SP110: variants seen among roughly 807,000 people sequenced by gnomAD.
SP110 encodes the protein interferon-induced protein 41, 30kD.
Under a neutral mutation model 92.7 loss-of-function variants are expected in SP110, and 62 were observed. That is an observed-to-expected ratio of 0.67 (90% CI 0.55 to 0.83). The LOEUF (loss-of-function observed/expected upper bound fraction) is 0.83. Ranked by LOEUF, SP110 falls within the 40% of genes least tolerant of loss-of-function variation. The pLI is 0.00. For missense variants in SP110, 793 were observed against 863.9 expected (o/e 0.92, Z 1.03); for synonymous variants, 273 against 305.3 (o/e 0.89, Z 1.10).
chr2:230,217,596 C>T (rs999903130), intron 1 of SP110, among the ~76,000 whole-genome samples: 5 of 152,160 alleles, frequency 3.3e-5, no homozygotes, highest in African/African-American at 9.7e-5. Flanking sequence ...AAAACCCTTG[C>T]GAGGTGGTTC....
chr2:230,192,143 T>C (rs2042661880), intron 10 of SP110, among the ~76,000 whole-genome samples: 1 of 152,044 alleles, frequency 6.6e-6, no homozygotes, highest in African/African-American at 2.4e-5. Context: ...CTCAAAATAA[T>C]AAGAGCTATT....
chr2:230,176,972 C>T (rs1244433412), intron 14 of SP110, among the ~76,000 whole-genome samples: 2 of 152,152 alleles, frequency 1.3e-5, no homozygotes, highest in African/African-American at 4.8e-5. Flanking sequence ...TTAACCTTTC[C>T]CATCCATTCC....
At chr2:230,186,173 G>A (rs936740386) in intron 10 of SP110, 30 bp from the exon 11 acceptor site, 24 of 1,612,342 alleles carry the variant, frequency 1.5e-5, no homozygotes, top group Non-Finnish European at 2.0e-5. Flanking sequence ...GAATAGTTTA[G>A]TGAGCTCCCT....
intron 10 of SP110, 99 bp downstream of exon 10, chr2:230,200,786 T>G: frequency 1.0e-6 from 1 of 954,174 alleles, no homozygotes; most frequent in South Asian, 1.3e-5. Context: ...ACAGTAATAA[T>G]GAAAAAAAAA....
Position 230,211,263 on chromosome 2 carries a change from C to A in SP110, c.751+207G>T, listed in dbSNP as rs772413542. On this transcript the variant is annotated intron_variant, in intron 6 of 18. Transcript: ENST00000258381. This position sits in a 1 kb window ranked among gnomAD's most constrained non-coding sequence, Gnocchi z 4.2. ...AAGTCTACCTTTTCCAGACTTGCCT[C>A]CTTTGCCCTCCCCCAGGGACTCTGT... is the stretch of plus-strand genomic sequence containing the variant. 6.6e-6 allele frequency among the ~76,000 whole-genome samples: 1 copy of A among 152,168 alleles called. No individual in the cohort carries two copies. The highest frequency in any genetic ancestry group is 1.5e-5 in the Non-Finnish European group (1 of 68,030).
At chr2:230,194,800 C>A (rs2042789510) in intron 10 of SP110, among the ~76,000 whole-genome samples, 1 of 152,172 alleles carries the variant, frequency 6.6e-6, no homozygotes. Flanking sequence ...TTGTCTGATG[C>A]CTCATGTCCA....
In SP110 at chr2:230,211,585, A is replaced by C; in HGVS notation, c.668-32T>G. 7.1e-6 allele frequency: 9 copies of C among 1,262,616 alleles called. No individual in the cohort carries two copies. Among genetic ancestry groups the C allele is most frequent in the Non-Finnish European group, 1.0e-5 (9 of 858,992 alleles). The allele number at this position is 1,262,616 out of a possible 1,614,324, so 78.2% of individuals were successfully genotyped here. A position where few individuals can be genotyped will look rare whatever the true frequency, so the allele number is the denominator to read the frequency against. ...GGAGGAAGAAAAAGTTTTAGATCTC[A>C]GGAACAGCAAGCAGGGACCAGAATG... On this transcript the variant is annotated intron_variant, in intron 5 of 18. Coordinates refer to ENST00000258381, the MANE Select transcript of SP110 (RefSeq NM_080424.4). This position sits in a 1 kb window ranked among gnomAD's most constrained non-coding sequence, Gnocchi z 4.2.
chr2:230,220,292 G>C (rs187817866), upstream of SP110, among the ~76,000 whole-genome samples: 32 of 152,252 alleles, frequency 2.1e-4, no homozygotes, highest in Admixed American at 2.1e-3. Context: ...CCCATGACTT[G>C]TCCTCATTCT....
intron 14 of SP110, 86 bp downstream of exon 14, chr2:230,177,452 G>A: frequency 2.2e-6 from 3 of 1,360,144 alleles, no homozygotes; most frequent in Non-Finnish European, 3.2e-6. Context: ...AATCCTAACG[G>A]GAGCTCTTCA....
intron 7 of SP110, among the ~76,000 whole-genome samples, chr2:230,209,065 G>T (rs1336931957): frequency 1.3e-5 from 2 of 152,156 alleles, no homozygotes; most frequent in African/African-American, 2.4e-5. Context: ...ATATATTTTT[G>T]ATTCTTTTTC....
At chr2:230,175,633 T>C (rs911419877) in intron 14 of SP110, among the ~76,000 whole-genome samples, 1 of 152,212 alleles carries the variant, frequency 6.6e-6, no homozygotes, top group East Asian at 1.9e-4. Flanking sequence ...CCATTGTCTC[T>C]GCTGGAAGTT....
chr2:230,209,857 A>C (rs2044276849), intron 7 of SP110, 74 bp downstream of exon 7: 2 of 877,618 alleles, frequency 2.3e-6, no homozygotes, highest in South Asian at 2.6e-5. Context: ...GCTCTTGACA[A>C]GATACAGTCA....
chr2:230,189,707 C>T (rs2042521506), intron 10 of SP110, among the ~76,000 whole-genome samples: 1 of 152,152 alleles, frequency 6.6e-6, no homozygotes, highest in East Asian at 1.9e-4. Flanking sequence ...ACCCACACCC[C>T]AACAGGCCCT....
At chr2:230,173,134 A>C (rs1270657652) in intron 14 of SP110, 175 bp from the exon 15 acceptor site, 1 of 615,044 alleles carries the variant, frequency 1.6e-6, no homozygotes, top group Non-Finnish European at 3.0e-6. Flanking sequence ...CAAATGGCAC[A>C]ACAAGCAGAG....
intron 10 of SP110, chr2:230,200,361 A>G (rs74649389): frequency 0.027 from 4,257 of 158,876 alleles, 194 homozygotes; most frequent in African/African-American, 0.097. Flanking sequence ...AACATGCACA[A>G]TTTTACCAGC....
At chr2:230,193,956 G>T (rs2042748921) in intron 10 of SP110, among the ~76,000 whole-genome samples, 1 of 152,126 alleles carries the variant, frequency 6.6e-6, no homozygotes, top group African/African-American at 2.4e-5. Flanking sequence ...TGAATGTCAA[G>T]TTTTCCTATA....
chr2:230,170,536 A>C, intron 18 of SP110, 85 bp downstream of exon 18: 2 of 1,490,908 alleles, frequency 1.3e-6, no homozygotes, highest in Non-Finnish European at 9.4e-7. Flanking sequence ...GCTGAAACTG[A>C]GTGTAATACT....
At chr2:230,215,204 A>C (rs1285500860) in intron 2 of SP110, 86 bp from the exon 3 acceptor site, 6 of 1,065,662 alleles carry the variant, frequency 5.6e-6, no homozygotes, top group Non-Finnish European at 8.6e-6. Context: ...GTTTTAAGAA[A>C]GCTACCTTAC....
chr2:230,201,017 T>C (rs764999776), intron 9 of SP110, 52 bp from the exon 10 acceptor site: 17 of 1,411,056 alleles, frequency 1.2e-5, no homozygotes, highest in Non-Finnish European at 1.7e-5. Flanking sequence ...CCATGGAGAA[T>C]CTCCCAGAGA....
Sources: gnomAD v4.1 joint callset for allele counts (sites outside exome capture counted in the v4.1 genomes callset) on GRCh38, gnomAD v4.1.1 for gene constraint, Gnocchi (gnomAD v3.1) non-coding constraint, MANE v1.5 for transcripts, NCBI Gene and HGNC (gene_info 2026-07-23, HGNC 2026-07-21) for gene names.